CELF2: variants seen among roughly 807,000 people sequenced by gnomAD.
CELF2 encodes CUGBP Elav-like family member 2, also known as CUG triplet repeat RNA-binding protein 2.
CELF2 carries 8 observed loss-of-function variants against 62.6 expected under a neutral mutation model. The ratio of observed to expected loss-of-function variants is 0.13; its 90% CI spans 0.07 to 0.23. The LOEUF is 0.23. CELF2 is among the 10% of genes least tolerant of loss of function. The probability of loss-of-function intolerance (pLI) is 1.00; values close to 1 mark genes in which losing one functional copy is unlikely to be tolerated. For synonymous variants in CELF2, 258 were observed against 250.0 expected (o/e 1.03, Z -0.30); for missense variants, 333 against 671.0 (o/e 0.50, Z 5.56).
Position 11,157,047 on chromosome 10 carries a change from C to G in CELF2, c.75-8439C>G, listed in dbSNP as rs1472636774. On this transcript the variant is annotated intron_variant, in intron 1 of 12. Coordinates refer to ENST00000633077, the MANE Select transcript of CELF2 (RefSeq NM_001326342.2). This position sits in a 1 kb window ranked among gnomAD's most constrained non-coding sequence, Gnocchi z 4.9. ...GGGTGACCTCTCCACAGGATTCCCACAGCGTGTGAGAATGAAGGGTGGAAA... is the reference window on the plus strand; with the variant it reads ...GGGTGACCTCTCCACAGGATTCCCAGAGCGTGTGAGAATGAAGGGTGGAAA... Among the ~76,000 whole-genome samples the G allele has an allele frequency of 6.6e-6, 1 of 152,110 alleles. No homozygotes were observed. Among genetic ancestry groups the G allele is most frequent in the Non-Finnish European group, 1.5e-5 (1 of 68,026 alleles).
Position 11,242,693 on chromosome 10 carries a change from G to A in CELF2, c.355-6460G>A, listed in dbSNP as rs768123918. 1.2e-4 allele frequency among the ~76,000 whole-genome samples: 19 copies of A among 152,152 alleles called. No individual in the cohort carries two copies. Among genetic ancestry groups the A allele is most frequent in the South Asian group, 4.1e-4 (2 of 4,830 alleles). ...CAGCTGGGGCCTTGTGGGAAGAATC[G>A]AAGGTCAGCTTACTCAGGAGTGAGG... On this transcript the variant is annotated intron_variant, in intron 3 of 12. Transcript: ENST00000633077. This position sits in a 1 kb window ranked among gnomAD's most constrained non-coding sequence, Gnocchi z 4.8.
chr10:11,269,300 G>A lies in CELF2; in HGVS notation c.619-1366G>A, dbSNP rs1398953844. Among the ~76,000 whole-genome samples the A allele has an allele frequency of 1.3e-5, 2 of 152,132 alleles. No homozygotes were observed. The highest frequency in any genetic ancestry group is 2.9e-5 in the Non-Finnish European group (2 of 68,022). The stretch of plus-strand genomic sequence containing the variant: ...TGTCTACCAGAGCTGAAGACCAGTA[G>A]GCTGGAAGTTTAACACTGAAATATT... On this transcript the variant is annotated intron_variant, in intron 6 of 12. Transcript: ENST00000633077. This position sits in a 1 kb window ranked among gnomAD's most constrained non-coding sequence, Gnocchi z 4.4.
intron 1 of CELF2, among the ~76,000 whole-genome samples, chr10:10,841,760 G>A (rs556748887): frequency 2.6e-5 from 4 of 152,020 alleles, no homozygotes; most frequent in African/African-American, 9.6e-5. Flanking sequence ...TTGGTCTCTT[G>A]TCTTTACATT....
At chr10:10,691,569 G>A in the CELF2 span, among the ~76,000 whole-genome samples, 39 of 152,140 alleles carry the variant, frequency 2.6e-4, no homozygotes, top group African/African-American at 8.9e-4. Context: ...CTAGATCCCT[G>A]AGGAATCACC....
At chr10:10,998,654 G>A (rs565047533) in intron 2 of CELF2, among the ~76,000 whole-genome samples, 5 of 152,242 alleles carry the variant, frequency 3.3e-5, no homozygotes, top group Middle Eastern at 3.4e-3. Flanking sequence ...TCAGCAGAGC[G>A]CAGGCTGACC....
chr10:11,098,424 T>G lies in CELF2; in HGVS notation c.75-67062T>G, dbSNP rs1236675634. The G allele has an allele frequency of 6.6e-6, 1 of 152,138 alleles. No individual in the cohort carries two copies. Among genetic ancestry groups the G allele is most frequent in the Non-Finnish European group, 1.5e-5 (1 of 68,068 alleles). The allele number at this position is 152,138 out of a possible 1,614,324, so 9.4% of individuals were successfully genotyped here. ...CCATTTGCCCTTAGGTCAGGCACAT[T>G]GACGTGAGCTCAAACCCCCATGTAC... On this transcript the variant is annotated intron_variant, in intron 1 of 12. Coordinates refer to ENST00000633077, the MANE Select transcript of CELF2 (RefSeq NM_001326342.2). This position sits in a 1 kb window ranked among gnomAD's most constrained non-coding sequence, Gnocchi z 4.0.
At chr10:10,977,675 T>C (rs1231165261) in intron 2 of CELF2, among the ~76,000 whole-genome samples, 1 of 152,228 alleles carries the variant, frequency 6.6e-6, no homozygotes, top group Non-Finnish European at 1.5e-5. Flanking sequence ...TAAAGGAAAA[T>C]GGAAGAATTT....
At chr10:11,034,293 A>C (rs1202114210) in intron 1 of CELF2, among the ~76,000 whole-genome samples, 1 of 152,140 alleles carries the variant, frequency 6.6e-6, no homozygotes, top group Non-Finnish European at 1.5e-5. Context: ...AACTTTTAAG[A>C]CCTTCATTCC....
chr10:10,697,832 G>A, the CELF2 span, among the ~76,000 whole-genome samples: 1 of 152,146 alleles, frequency 6.6e-6, no homozygotes, highest in African/African-American at 2.4e-5. Context: ...CTGTCACCCA[G>A]GCTGGAGTCC....
chr10:11,134,283 T>C (rs1266188758), intron 1 of CELF2, among the ~76,000 whole-genome samples: 1 of 152,218 alleles, frequency 6.6e-6, no homozygotes, highest in African/African-American at 2.4e-5. Flanking sequence ...CCCCGTGTTT[T>C]GTGAATCTAA....
At chr10:10,887,102 G>A (rs930228511) in intron 1 of CELF2, among the ~76,000 whole-genome samples, 2 of 151,942 alleles carry the variant, frequency 1.3e-5, no homozygotes, top group African/African-American at 4.8e-5. Context: ...GAAGCCTAGA[G>A]CTATTCCTTC....
chr10:10,633,254 A>G, the CELF2 span, among the ~76,000 whole-genome samples: 3 of 152,208 alleles, frequency 2.0e-5, no homozygotes, highest in Admixed American at 6.5e-5. Context: ...AAACATGGAC[A>G]TTGCCAGATT....
chr10:10,835,823 A>T (rs1159425964), intron 1 of CELF2, among the ~76,000 whole-genome samples: 1 of 152,228 alleles, frequency 6.6e-6, no homozygotes, highest in Non-Finnish European at 1.5e-5. Flanking sequence ...ATGTAAACAA[A>T]TGCATAATTG....
chr10:10,991,061 G>T (rs933284904), intron 2 of CELF2, among the ~76,000 whole-genome samples: 1 of 151,994 alleles, frequency 6.6e-6, no homozygotes, highest in Admixed American at 6.6e-5. Context: ...GAAGTTCACA[G>T]CTTAGGCAGA....
chr10:10,683,398 C>T, the CELF2 span, among the ~76,000 whole-genome samples: 2 of 152,164 alleles, frequency 1.3e-5, no homozygotes, highest in African/African-American at 2.4e-5. Flanking sequence ...TGTTGATTTT[C>T]ATGCTTGTGT....
chr10:10,694,892 G>C, the CELF2 span, among the ~76,000 whole-genome samples: 1 of 150,538 alleles, frequency 6.6e-6, no homozygotes, highest in Non-Finnish European at 1.5e-5. Flanking sequence ...CTTTTATTTT[G>C]AGCCTATGTG....
intron 8 of CELF2, among the ~76,000 whole-genome samples, chr10:11,283,980 GAGTGT>G (rs2090070970): frequency 7.3e-6 from 1 of 136,792 alleles, no homozygotes; most frequent in Non-Finnish European, 1.6e-5. Context: ...GATGACGGAT[GAGTGT>G]GTGGTGAGTG....
the CELF2 span, among the ~76,000 whole-genome samples, chr10:10,608,146 A>C: frequency 1.8e-5 from 2 of 113,030 alleles, no homozygotes; most frequent in Non-Finnish European, 4.6e-5. Flanking sequence ...ACAAACAAAC[A>C]AACAAACAAA....
chr10:10,621,834 C>T, the CELF2 span, among the ~76,000 whole-genome samples: 1 of 152,000 alleles, frequency 6.6e-6, no homozygotes, highest in Non-Finnish European at 1.5e-5. Flanking sequence ...TATGGCTGAA[C>T]CTTAAATGTA....
Sources: allele counts gnomAD v4.1 joint callset (sites outside exome capture counted in the v4.1 genomes callset), GRCh38; gene constraint gnomAD v4.1.1; non-coding constraint Gnocchi (gnomAD v3.1); transcripts MANE v1.5; gene names NCBI Gene and HGNC (gene_info 2026-07-23, HGNC 2026-07-21).